STIM1: variants seen among roughly 807,000 people sequenced by gnomAD.
STIM1 encodes stromal interaction molecule 1.
In STIM1, 25 loss-of-function variants were observed where a neutral mutation model predicts 74.7. The observed-to-expected ratio is 0.33, with a 90% confidence interval of 0.24 to 0.47. The LOEUF is 0.47. STIM1 is among the 20% of genes least tolerant of loss of function. The probability of loss-of-function intolerance (pLI) is 1.00; values close to 1 mark genes in which losing one functional copy is unlikely to be tolerated. For missense variants in STIM1, 728 were observed against 920.8 expected, an observed-to-expected ratio of 0.79 and a Z score of 2.71; for synonymous variants, 328 against 348.8, an observed-to-expected ratio of 0.94 and a Z score of 0.66.
At chr11:3,922,583 ATCT>A (rs2092730964) in intron 1 of STIM1, 1 of 153,962 alleles carries the variant, frequency 6.5e-6, no homozygotes, top group African/African-American at 2.4e-5. Flanking sequence ...CTGGGATCCC[ATCT>A]GGAAAGTGCT....
chr11:3,882,084 C>A (rs528244686), intron 1 of STIM1, among the ~76,000 whole-genome samples: 2 of 144,538 alleles, frequency 1.4e-5, no homozygotes, highest in East Asian at 4.1e-4. Flanking sequence ...TGTATCAGCA[C>A]TTCATTCCTT....
At position 4,062,520 on chromosome 11, in the gene STIM1, G is replaced by A. The variant is rs543720873; in HGVS notation, c.613+3124G>A. On this transcript the variant is annotated intron_variant, in intron 5 of 12. Transcript: ENST00000526596. ...GACTGTAATCCTAGCTACTCAGGAG[G>A]TTGAGGCATAAGAATTGCTGAAACC... Among the ~76,000 whole-genome samples the A allele has an allele frequency of 2.6e-5, 4 of 152,338 alleles. No individual in the cohort carries two copies. The South Asian group carries it at 8.3e-4, about 32-fold the overall frequency.
Position 4,006,774 on chromosome 11 carries a change from C to T in STIM1, c.271-17099C>T, listed in dbSNP as rs148186637. Among the ~76,000 whole-genome samples the T allele has an allele frequency of 1.3e-3, 199 of 152,036 alleles. 1 individual carries two copies. Among genetic ancestry groups the T allele is most frequent in the African/African-American group, 4.7e-3 (193 of 41,450 alleles). ...AATGTAGGGTTCTAAATATTGTGGGCTGGATGGGGGTTGGAGAGCAGCAGA... is the reference window on the plus strand; with the variant it reads ...AATGTAGGGTTCTAAATATTGTGGGTTGGATGGGGGTTGGAGAGCAGCAGA... On this transcript the variant is annotated intron_variant, in intron 2 of 12. Transcript: ENST00000526596.
intron 7 of STIM1, among the ~76,000 whole-genome samples, chr11:4,078,357 T>A (rs1049069063): frequency 2.0e-5 from 3 of 152,228 alleles, no homozygotes; most frequent in African/African-American, 7.2e-5. Flanking sequence ...AGAGATGCAG[T>A]TCTGCCACTT....
chr11:3,991,070 T>A (rs976850744), intron 2 of STIM1, among the ~76,000 whole-genome samples: 4 of 152,212 alleles, frequency 2.6e-5, no homozygotes, highest in African/African-American at 7.2e-5. Flanking sequence ...TCTGGTTTTC[T>A]GTGTCTGCAT....
At chr11:3,879,394 TC>T (rs1307603656) in intron 1 of STIM1, among the ~76,000 whole-genome samples, 2 of 152,250 alleles carry the variant, frequency 1.3e-5, no homozygotes, top group Non-Finnish European at 2.9e-5. Context: ...ATCTTCTTAG[TC>T]TGTACCATAT....
At chr11:3,930,728 T>C (rs1280317411) in intron 1 of STIM1, among the ~76,000 whole-genome samples, 1 of 152,254 alleles carries the variant, frequency 6.6e-6, no homozygotes, top group African/African-American at 2.4e-5. Flanking sequence ...AAATTGTTTT[T>C]CATTCTATTG....
In STIM1 at chr11:3,856,065, T is replaced by C. The variant is rs1415527420; in HGVS notation, c.-206T>C. On this transcript the variant is annotated 5_prime_UTR_variant, in exon 1 of 13. Coordinates refer to ENST00000526596, the MANE Select transcript of STIM1 (RefSeq NM_001382567.1). ...GCCCCGGCGGACCCACTGTTGGACC[T>C]GAGGAGCCAGCCCTCCTCCCGCACC... The C allele has an allele frequency of 3.2e-6, 2 of 620,488 alleles. No homozygotes were observed. The highest frequency in any genetic ancestry group is 2.8e-6 in the Non-Finnish European group (1 of 351,048). The allele number at this position is 620,488 out of a possible 1,614,324, so 38.4% of individuals were successfully genotyped here.
rs2092972790 is a variant in STIM1, at chr11:3,939,081, C to T, written c.140-28471C>T. 2.6e-5 allele frequency among the ~76,000 whole-genome samples: 4 copies of T among 152,110 alleles called. No homozygotes were observed. In the South Asian group the frequency reaches 8.3e-4, roughly 32 times the overall value. On this transcript the variant is annotated intron_variant, in intron 1 of 12. Coordinates refer to ENST00000526596, the MANE Select transcript of STIM1 (RefSeq NM_001382567.1). The stretch of plus-strand genomic sequence containing the variant: ...TTTCTGTATGACATATAACTGAGCC[C>T]TATATAAAATATTTAGACAAGAATT...
chr11:4,088,743 G>A (rs1189945726), intron 12 of STIM1: 18 of 1,535,722 alleles, frequency 1.2e-5, no homozygotes, highest in Non-Finnish European at 1.6e-5. Flanking sequence ...AGTAAGGTCA[G>A]TAGCTTGGGA....
Position 3,941,696 on chromosome 11 carries a change from A to AGAGAGAGAGAGTGT in STIM1, c.140-25855_140-25854insAGAGAGAGAGTGTG, listed in dbSNP as rs1214690521. Among the ~76,000 whole-genome samples, 478 of 141,636 alleles carry AGAGAGAGAGAGTGT rather than the reference A, an allele frequency of 3.4e-3. 6 individuals carry two copies. The highest frequency in any genetic ancestry group is 0.027 in the East Asian group (123 of 4,568). 92.9% of individuals were successfully genotyped at this position (141,636 alleles called of 152,430 possible). ...TATAGAGAGAGAGAGAGAGAGAGAGAGTGTGTGTGTGTCTCAGTGTCACTG... is the reference window on the plus strand; with the variant it reads ...TATAGAGAGAGAGAGAGAGAGAGAGAGAGAGAGAGAGTGTGTGTGTGTGTGTCTCAGTGTCACTG... On this transcript the variant is annotated intron_variant, in intron 1 of 12. Transcript: ENST00000526596.
At chr11:3,926,157 T>C (rs1214294236) in intron 1 of STIM1, among the ~76,000 whole-genome samples, 1 of 152,184 alleles carries the variant, frequency 6.6e-6, no homozygotes, top group Non-Finnish European at 1.5e-5. Flanking sequence ...CTTAAGATCA[T>C]TTGTGTGGTA....
chr11:3,888,056 G>A (rs1869084), intron 1 of STIM1: 38,990 of 151,594 alleles, frequency 0.26, 5,703 homozygotes, highest in South Asian at 0.41. Flanking sequence ...GCTGACTGCA[G>A]AAGGCTCTTC....
In STIM1 at chr11:4,010,687, C is replaced by T. The variant is rs2093826960; in HGVS notation, c.271-13186C>T. Among the ~76,000 whole-genome samples, 4 of 151,676 alleles carry T rather than the reference C, an allele frequency of 2.6e-5. No individual in the cohort carries two copies. In the South Asian group the frequency reaches 6.3e-4, roughly 24 times the overall value. ...CAAAAGTCACACAGCAAGTAAGTAG[C>T]CTGTTTCTATGGGTTCTGCCTTTCT... On this transcript the variant is annotated intron_variant, in intron 2 of 12. Coordinates refer to ENST00000526596, the MANE Select transcript of STIM1 (RefSeq NM_001382567.1).
At chr11:4,004,973 CA>C (rs1232523084) in intron 2 of STIM1, among the ~76,000 whole-genome samples, 1 of 152,192 alleles carries the variant, frequency 6.6e-6, no homozygotes. Flanking sequence ...CCAAAAAACA[CA>C]TGAGAAAATG....
chr11:3,874,353 G>T (rs1590514509), intron 1 of STIM1, among the ~76,000 whole-genome samples: 2 of 152,186 alleles, frequency 1.3e-5, no homozygotes, highest in East Asian at 3.8e-4. Context: ...ATAAGGAAAA[G>T]ATATTTAAGT....
chr11:3,939,336 G>A (rs1383646425), intron 1 of STIM1, among the ~76,000 whole-genome samples: 1 of 152,082 alleles, frequency 6.6e-6, no homozygotes, highest in Non-Finnish European at 1.5e-5. Context: ...AACTGACTTT[G>A]TTCTGTGATT....
At chr11:4,009,959 C>T (rs946148178) in intron 2 of STIM1, among the ~76,000 whole-genome samples, 3 of 151,546 alleles carry the variant, frequency 2.0e-5, no homozygotes, top group Non-Finnish European at 2.9e-5. Flanking sequence ...ACCACAAGTG[C>T]ACACCACCAC....
At chr11:3,928,360 G>A (rs959632471) in intron 1 of STIM1, among the ~76,000 whole-genome samples, 13 of 151,830 alleles carry the variant, frequency 8.6e-5, no homozygotes, top group African/African-American at 3.1e-4. Context: ...TGAGTAGCTG[G>A]GACTGCAGGT....
Sources: allele counts gnomAD v4.1 joint callset (sites outside exome capture counted in the v4.1 genomes callset), GRCh38; gene constraint gnomAD v4.1.1; transcripts MANE v1.5; gene names NCBI Gene and HGNC (gene_info 2026-07-23, HGNC 2026-07-21).